Variants in CEP250 observed in about 807,000 individuals in gnomAD.
CEP250 encodes centrosomal protein 250, also known as centrosome-associated protein CEP250.
Under a neutral mutation model 315.7 loss-of-function variants are expected in CEP250, and 242 were observed. That is an observed-to-expected ratio of 0.77 (90% CI 0.69 to 0.85). CEP250 has a LOEUF of 0.85. Ranked by LOEUF, CEP250 falls within the 40% of genes least tolerant of loss-of-function variation. The pLI is 0.00. For synonymous variants in CEP250, 1,088 were observed against 1,175.0 expected, an observed-to-expected ratio of 0.93 and a Z score of 1.51; for missense variants, 2,515 against 2,886.4, an observed-to-expected ratio of 0.87 and a Z score of 2.95.
chr20:35,463,811 G>C (rs1234237501), intron 5 of CEP250, among the ~76,000 whole-genome samples, 180 bp downstream of exon 5: 1 of 152,260 alleles, frequency 6.6e-6, no homozygotes, highest in Non-Finnish European at 1.5e-5. Context: ...TGGCCTGTCA[G>C]ATTCCAACCC....
rs1289810993 is a variant in CEP250, at chr20:35,478,088, A to G, written c.2081A>G (p.Lys694Arg). ...DIQEEKEEIQ[K>R]KLSESRHQQE... ...CAAGAAGAGAAGGAAGAAATTCAAA[A>G]GAAACTAAGTGAGGTGAGAAGCCAA... The change falls in exon 17 of 35, where the codon AAG becomes AGG. Residue 694 changes from lysine (K) to arginine (R), a missense_variant. Lys to Arg is a conservative substitution (Grantham distance 26). Transcript: ENST00000397527. 6.2e-7 allele frequency: 1 copy of G among 1,613,464 alleles called. No individual in the cohort carries two copies. Among genetic ancestry groups the G allele is most frequent in the African/African-American group, 1.3e-5 (1 of 75,040 alleles).
chr20:35,467,218 C>A (rs987862631), intron 8 of CEP250, 86 bp from the exon 9 acceptor site: 50 of 1,516,260 alleles, frequency 3.3e-5, no homozygotes, highest in Non-Finnish European at 4.1e-5. Context: ...TTTCCCAGCC[C>A]TGCTCCTCAG....
At position 35,492,307 on chromosome 20, in the gene CEP250, A is replaced by T. The variant is rs56252499; in HGVS notation, c.2889+961A>T. On this transcript the variant is annotated intron_variant, in intron 22 of 34. Transcript: ENST00000397527. ...CTCTATAGAGGCAGAAAACAGATTT[A>T]TGGTGGGGAATGGGGTGGGGAATGG... 2.5e-3 allele frequency among the ~76,000 whole-genome samples: 381 copies of T among 152,220 alleles called. 1 individual carries two copies. Among genetic ancestry groups the T allele is most frequent in the African/African-American group, 8.4e-3 (348 of 41,536 alleles).
intron 27 of CEP250, among the ~76,000 whole-genome samples, chr20:35,499,441 C>A (rs1018973557): frequency 4.6e-5 from 7 of 152,150 alleles, no homozygotes; most frequent in Non-Finnish European, 7.4e-5. Flanking sequence ...AGGCCTAGGT[C>A]TGAAAGAGCT....
chr20:35,479,898 C>T, intron 19 of CEP250, 78 bp from the exon 20 acceptor site: 1 of 1,593,556 alleles, frequency 6.3e-7, no homozygotes. Flanking sequence ...GGGAGTTGCT[C>T]ATGAGGTCAG....
rs781271326 is a variant in CEP250 at position 35,504,117 on chromosome 20, G to A, written c.5748G>A (p.Glu1916=). The A allele has an allele frequency of 1.2e-6, 2 of 1,613,558 alleles. No individual in the cohort carries two copies. Among genetic ancestry groups the A allele is most frequent in the South Asian group, 1.1e-5 (1 of 91,018 alleles). ...LQQQCAEQAQ[E]HEVETRALQD... ...AGCAGTGTGCTGAGCAGGCACAGGA[G>A]CATGAGGTGGAGACCAGGGCCCTGC... Residue 1916 remains glutamate, a synonymous_variant, in exon 30 of 35, where the codon GAG becomes GAA. Coordinates refer to ENST00000397527, the MANE Select transcript of CEP250 (RefSeq NM_007186.6).
Position 35,506,222 on chromosome 20 carries a change from G to A in CEP250, c.6636+1217G>A, listed in dbSNP as rs541247449. Reference sequence around the variant, plus strand: ...ATGATGAGGTCAGTTTGGAAATGGAGGGAGGAGCCTGTTGGCAGGTCAGTA... The same window carrying A: ...ATGATGAGGTCAGTTTGGAAATGGAAGGAGGAGCCTGTTGGCAGGTCAGTA... On this transcript the variant is annotated intron_variant, in intron 30 of 34. Transcript: ENST00000397527. Among the ~76,000 whole-genome samples the A allele has an allele frequency of 5.9e-5, 9 of 152,300 alleles. No individual in the cohort carries two copies. In the South Asian group the frequency reaches 1.9e-3, roughly 32 times the overall value.
In CEP250 at chr20:35,500,118, G is replaced by C; in HGVS notation, c.3847G>C (p.Val1283Leu). The change falls in exon 28 of 35, where the codon GTC becomes CTC. Residue 1283 changes from valine (V) to leucine (L), a missense_variant. Physicochemically the swap from Val to Leu is conservative, Grantham distance 32 (BLOSUM62 1). Transcript: ENST00000397527. ...TGATACTGAGGCTGAGAAGAGCCAG[G>C]TCCACACAGAGTTGCAGGATCTGCA... ...LTDTEAEKSQ[V>L]HTELQDLQRQ... is the part of the protein sequence containing the mutation. 1 of 1,613,766 alleles carries C rather than the reference G, an allele frequency of 6.2e-7. No homozygotes were observed. The highest frequency in any genetic ancestry group is 1.7e-5 in the Admixed American group (1 of 59,976).
chr20:35,480,590 C>CTTTTTTTTTTTTT (rs559422487), intron 20 of CEP250, among the ~76,000 whole-genome samples: 4 of 122,160 alleles, frequency 3.3e-5, no homozygotes, highest in South Asian at 2.7e-4. Context: ...TTTTTTATAT[C>CTTTTTTTTTTTTT]TTTTTTTTTT....
chr20:35,482,376 G>A (rs1028817990), intron 20 of CEP250, among the ~76,000 whole-genome samples: 4 of 151,662 alleles, frequency 2.6e-5, no homozygotes. Context: ...GACCACAGGC[G>A]CTCACCACCA....
chr20:35,492,727 T>C (rs896448390), intron 22 of CEP250, among the ~76,000 whole-genome samples: 1 of 152,144 alleles, frequency 6.6e-6, no homozygotes, highest in Non-Finnish European at 1.5e-5. Flanking sequence ...TTGGGTGGTA[T>C]GTATGTATGT....
chr20:35,481,053 A>G (rs947340503), intron 20 of CEP250: 1 of 152,118 alleles, frequency 6.6e-6, no homozygotes, highest in South Asian at 2.1e-4. Context: ...TAATATTTTT[A>G]AACATATACT....
chr20:35,488,740 A>G (rs563342190), intron 20 of CEP250, among the ~76,000 whole-genome samples: 2 of 152,294 alleles, frequency 1.3e-5, no homozygotes, highest in African/African-American at 4.8e-5. Flanking sequence ...TTGGGATAAT[A>G]TATGTGAACT....
At chr20:35,511,287 C>A in intron 34 of CEP250, 76 bp from the exon 35 acceptor site, 1 of 1,290,400 alleles carries the variant, frequency 7.7e-7, no homozygotes, top group South Asian at 1.4e-5. Context: ...CTTCAGAGAA[C>A]ACAGAGCAGG....
chr20:35,500,111 G>A lies in CEP250; in HGVS notation c.3840G>A (p.Lys1280=), dbSNP rs921464686. 2 of 1,613,846 alleles carry A rather than the reference G, an allele frequency of 1.2e-6. No homozygotes were observed. Among genetic ancestry groups the A allele is most frequent in the Admixed American group, 1.7e-5 (1 of 59,976 alleles). The change falls in exon 28 of 35, where the codon AAG becomes AAA. Residue 1280 remains lysine (K), a synonymous_variant. Coordinates refer to ENST00000397527, the MANE Select transcript of CEP250 (RefSeq NM_007186.6). Reference sequence around the variant, plus strand: ...GTCTAACTGATACTGAGGCTGAGAAGAGCCAGGTCCACACAGAGTTGCAGG... The same window carrying A: ...GTCTAACTGATACTGAGGCTGAGAAAAGCCAGGTCCACACAGAGTTGCAGG... The part of the protein sequence containing the change: ...EERLTDTEAE[K]SQVHTELQDL...
At chr20:35,474,780 T>C in intron 14 of CEP250, 1 of 471,098 alleles carries the variant, frequency 2.1e-6, no homozygotes, top group Non-Finnish European at 4.4e-6. Flanking sequence ...ATGATGATAA[T>C]ATTTACCTTG....
Position 35,469,982 on chromosome 20 carries a change from T to C in CEP250, c.944T>C (p.Ile315Thr). The change falls in exon 10 of 35, where the codon ATC becomes ACC. Residue 315 changes from isoleucine (I) to threonine (T), a missense_variant. Coordinates refer to ENST00000397527, the MANE Select transcript of CEP250 (RefSeq NM_007186.6). ...MIKALRETVE[I>T]LETNHTELME... ...AAGGCTCTGAGAGAGACAGTGGAGA[T>C]CCTGGTACATGATCCTTTGCTCTGG... 6.2e-7 allele frequency: 1 copy of C among 1,608,574 alleles called. No individual in the cohort carries two copies. Among genetic ancestry groups the C allele is most frequent in the Non-Finnish European group, 8.5e-7 (1 of 1,174,972 alleles).
At chr20:35,493,837 C>T (rs934023251) in intron 23 of CEP250, among the ~76,000 whole-genome samples, 8 of 152,158 alleles carry the variant, frequency 5.3e-5, no homozygotes, top group South Asian at 2.1e-4. Flanking sequence ...TTGTTCTTTC[C>T]GTCCTTGCCA....
At chr20:35,478,171 A>G (rs1405599142) in intron 17 of CEP250, 70 bp downstream of exon 17, 41 of 1,004,502 alleles carry the variant, frequency 4.1e-5, no homozygotes, top group Non-Finnish European at 5.8e-5. Context: ...TTAAAACACT[A>G]CAGAAATTAT....
Sources: gnomAD v4.1 joint callset for allele counts (sites outside exome capture counted in the v4.1 genomes callset) on GRCh38, gnomAD v4.1.1 for gene constraint, MANE v1.5 for transcripts, NCBI Gene and HGNC (gene_info 2026-07-23, HGNC 2026-07-21) for gene names.